TOX2: variants seen among roughly 807,000 people sequenced by gnomAD.
The protein encoded by TOX2 is granulosa cell HMG box 1.
In TOX2, 15 loss-of-function variants were observed where a neutral mutation model predicts 47.4. The ratio of observed to expected loss-of-function variants is 0.32; its 90% CI spans 0.21 to 0.49. The LOEUF is 0.49. Ranked by LOEUF, TOX2 falls within the 20% of genes least tolerant of loss-of-function variation. The probability of loss-of-function intolerance (pLI) is 0.99; values close to 1 mark genes in which losing one functional copy is unlikely to be tolerated. For missense variants in TOX2, 622 were observed against 673.1 expected (o/e 0.92, Z 0.84); for synonymous variants, 290 against 296.6 (o/e 0.98, Z 0.23).
At chr20:43,926,182 A>T (rs1437952795) in intron 1 of TOX2, among the ~76,000 whole-genome samples, 1 of 152,094 alleles carries the variant, frequency 6.6e-6, no homozygotes, top group East Asian at 1.9e-4. Context: ...ACTGAACTTT[A>T]TGATGTGGAA....
At chr20:44,019,617 T>C (rs897825412) in intron 3 of TOX2, among the ~76,000 whole-genome samples, 3 of 152,150 alleles carry the variant, frequency 2.0e-5, no homozygotes, top group African/African-American at 7.2e-5. Context: ...ATCAGGTGAG[T>C]AGTCAGAACC....
chr20:43,982,561 G>T (rs78902459), intron 2 of TOX2, among the ~76,000 whole-genome samples: 2,011 of 152,162 alleles, frequency 0.013, 16 homozygotes, highest in Non-Finnish European at 0.019. Context: ...GATTTTGGAA[G>T]TGAGCAGGCC....
At chr20:44,063,064 C>G (rs961996969) in intron 5 of TOX2, among the ~76,000 whole-genome samples, 38 of 152,152 alleles carry the variant, frequency 2.5e-4, no homozygotes, top group African/African-American at 9.2e-4. Flanking sequence ...AAAAACCCTT[C>G]CACAGACATT....
intron 3 of TOX2, among the ~76,000 whole-genome samples, chr20:44,049,356 CAAAG>C (rs1203835858): frequency 6.6e-6 from 1 of 152,142 alleles, no homozygotes; most frequent in East Asian, 1.9e-4. Context: ...ATTTGGGTCT[CAAAG>C]AAAACCTTAA....
intron 1 of TOX2, among the ~76,000 whole-genome samples, chr20:43,967,749 T>A (rs1245411842): frequency 1.3e-5 from 2 of 152,244 alleles, no homozygotes; most frequent in Non-Finnish European, 2.9e-5. Context: ...GTTGAAATCA[T>A]GTTATGAATA....
intron 3 of TOX2, among the ~76,000 whole-genome samples, chr20:44,034,065 AC>A (rs1026606946): frequency 6.6e-6 from 1 of 152,032 alleles, no homozygotes; most frequent in African/African-American, 2.4e-5. Context: ...GCCTCTGGAT[AC>A]CCCTTTATCC....
intron 1 of TOX2, among the ~76,000 whole-genome samples, chr20:43,947,705 A>G (rs888325276): frequency 2.6e-5 from 4 of 152,180 alleles, no homozygotes; most frequent in African/African-American, 9.7e-5. Flanking sequence ...TTTGAAAGAG[A>G]ACCAACCGAT....
intron 2 of TOX2, among the ~76,000 whole-genome samples, chr20:43,992,563 C>A (rs973201903): frequency 6.6e-6 from 1 of 152,152 alleles, no homozygotes. Context: ...CAGATCGAGC[C>A]AGGCCCATAT....
intron 5 of TOX2, among the ~76,000 whole-genome samples, chr20:44,061,037 A>G (rs6073303): frequency 0.49 from 75,114 of 152,056 alleles, 18,914 homozygotes; most frequent in East Asian, 0.61. Flanking sequence ...AGAAGATCCA[A>G]ATAAGCTCAA....
chr20:43,986,176 G>A (rs1371443522), intron 2 of TOX2, among the ~76,000 whole-genome samples: 2 of 152,172 alleles, frequency 1.3e-5, no homozygotes, highest in African/African-American at 2.4e-5. Flanking sequence ...TAGTTTTATT[G>A]TTGCCACTAG....
At position 44,026,228 on chromosome 20, in the gene TOX2, G is replaced by GATATATATATATAGATATATAT. The variant is rs1555842269; in HGVS notation, c.411+19449_411+19450insGATATATATATATATATATATA. On this transcript the variant is annotated intron_variant, in intron 3 of 8. Transcript: ENST00000341197. ...TCGATCGAGTGGATAAAGAAACTGT[G>GATATATATATATAGATATATAT]ATATATATATATATATATATAGACA... Among the ~76,000 whole-genome samples, 175 of 60,234 alleles carry GATATATATATATAGATATATAT rather than the reference G, an allele frequency of 2.9e-3. 16 individuals are homozygous for GATATATATATATAGATATATAT. The highest frequency in any genetic ancestry group is 0.01 in the Middle Eastern group (1 of 98). 39.5% of individuals were successfully genotyped at this position (60,234 alleles called of 152,430 possible). A position where few individuals can be genotyped will look rare whatever the true frequency, so the allele number is the denominator to read the frequency against.
intron 2 of TOX2, among the ~76,000 whole-genome samples, chr20:43,977,033 G>A (rs901143082): frequency 6.6e-6 from 1 of 152,220 alleles, no homozygotes; most frequent in Non-Finnish European, 1.5e-5. Flanking sequence ...TTGGACACCT[G>A]TTATATGCAA....
rs149127036 is a variant in TOX2, at chr20:43,939,396, C to T, written c.99+24406C>T. Among the ~76,000 whole-genome samples the T allele has an allele frequency of 4.6e-3, 708 of 152,280 alleles. 1 individual carries two copies. The highest frequency in any genetic ancestry group is 6.9e-3 in the Non-Finnish European group (467 of 68,028). Reference sequence around the variant, plus strand: ...AAGGGCAAAACCTTGGTCTAGCTTCCGCCAATTTCTGGGCAAAAGCTGAAG... The same window carrying T: ...AAGGGCAAAACCTTGGTCTAGCTTCTGCCAATTTCTGGGCAAAAGCTGAAG... On this transcript the variant is annotated intron_variant, in intron 1 of 8. Transcript: ENST00000341197.
intron 1 of TOX2, among the ~76,000 whole-genome samples, chr20:43,936,260 C>G (rs1600661782): frequency 6.6e-6 from 1 of 152,184 alleles, no homozygotes; most frequent in South Asian, 2.1e-4. Flanking sequence ...TGCTTCCCAG[C>G]CCCCAAGAGG....
At chr20:43,971,627 C>A (rs1163521894) in intron 1 of TOX2, among the ~76,000 whole-genome samples, 1 of 152,176 alleles carries the variant, frequency 6.6e-6, no homozygotes, top group Non-Finnish European at 1.5e-5. Flanking sequence ...CACACCTATG[C>A]TCAATAACAG....
intron 2 of TOX2, among the ~76,000 whole-genome samples, chr20:43,994,732 G>C (rs1463779951): frequency 6.6e-6 from 1 of 152,170 alleles, no homozygotes; most frequent in African/African-American, 2.4e-5. Flanking sequence ...ACCTTAGCTT[G>C]AGTCAGATTG....
intron 3 of TOX2, among the ~76,000 whole-genome samples, chr20:44,041,236 T>A (rs2071326854): frequency 6.6e-6 from 1 of 152,170 alleles, no homozygotes; most frequent in African/African-American, 2.4e-5. Context: ...GGCGTTAAGA[T>A]GTCATAGTCT....
chr20:44,003,862 G>A (rs2070631433), intron 2 of TOX2, among the ~76,000 whole-genome samples: 1 of 152,124 alleles, frequency 6.6e-6, no homozygotes, highest in Non-Finnish European at 1.5e-5. Flanking sequence ...TTCCAGGGCT[G>A]GATCTGGGAC....
intron 3 of TOX2, among the ~76,000 whole-genome samples, chr20:44,027,836 C>A (rs1235774729): frequency 6.6e-6 from 1 of 152,148 alleles, no homozygotes; most frequent in African/African-American, 2.4e-5. Flanking sequence ...CCGACCATGG[C>A]GTGCCTCAAA....
Sources: gnomAD v4.1 joint callset for allele counts (sites outside exome capture counted in the v4.1 genomes callset) on GRCh38, gnomAD v4.1.1 for gene constraint, MANE v1.5 for transcripts, NCBI Gene and HGNC (gene_info 2026-07-23, HGNC 2026-07-21) for gene names.